The following FAM13B variants were observed in gnomAD, a reference collection of about 807,000 sequenced individuals.
The protein encoded by FAM13B is protein FAM13B.
A neutral mutation model predicts 117.3 loss-of-function variants in FAM13B; 60 were observed. The observed-to-expected ratio is 0.51, with a 90% confidence interval of 0.42 to 0.63. FAM13B has a LOEUF of 0.63. Among genes scored for constraint, FAM13B ranks in the 30% least tolerant of loss-of-function variants. The pLI, the probability that FAM13B is intolerant of heterozygous loss-of-function variation, is 0.00. For missense variants in FAM13B, 972 were observed against 1,091.9 expected, an observed-to-expected ratio of 0.89 and a Z score of 1.55; for synonymous variants, 332 against 356.1, an observed-to-expected ratio of 0.93 and a Z score of 0.76.
intron 20 of FAM13B, 70 bp downstream of exon 20, chr5:137,945,832 A>G: frequency 8.7e-7 from 1 of 1,145,084 alleles, no homozygotes; most frequent in Non-Finnish European, 1.3e-6. Flanking sequence ...ATATACCACA[A>G]TAATAATTTT....
chr5:138,007,679 A>C (rs1307495242), intron 6 of FAM13B, among the ~76,000 whole-genome samples: 1 of 150,376 alleles, frequency 6.6e-6, no homozygotes, highest in Non-Finnish European at 1.5e-5. Context: ...ATCCTATAAC[A>C]AGGAAGAACT....
chr5:138,016,836 A>G (rs1004564398), intron 4 of FAM13B, among the ~76,000 whole-genome samples: 3 of 152,336 alleles, frequency 2.0e-5, no homozygotes, highest in South Asian at 2.1e-4. Flanking sequence ...CAATTCAGCT[A>G]ACAGAGGGAA....
At chr5:138,049,277 T>C (rs1489576175) in intron 1 of FAM13B, among the ~76,000 whole-genome samples, 1 of 151,750 alleles carries the variant, frequency 6.6e-6, no homozygotes, top group East Asian at 1.9e-4. Context: ...TTTTTGTTTT[T>C]GTTTTTTCCT....
chr5:138,049,894 A>AGT (rs1186564936), intron 1 of FAM13B, among the ~76,000 whole-genome samples: 2 of 151,692 alleles, frequency 1.3e-5, no homozygotes, highest in African/African-American at 4.8e-5. Flanking sequence ...GGGAGGCTGA[A>AGT]GTGGAAGGAT....
At chr5:138,042,067 C>T (rs565648341) in intron 1 of FAM13B, among the ~76,000 whole-genome samples, 1 of 152,136 alleles carries the variant, frequency 6.6e-6, no homozygotes, top group Admixed American at 6.5e-5. Context: ...AAGTTCATAG[C>T]TGCATTTTTT....
At chr5:137,962,370 A>C (rs1040402988) in intron 11 of FAM13B, 35 bp downstream of exon 11, 1 of 1,596,626 alleles carries the variant, frequency 6.3e-7, no homozygotes, top group Non-Finnish European at 8.6e-7. Context: ...TCCAATTCTC[A>C]AAATGATTAA....
At chr5:137,961,357 C>T (rs536407281) in intron 11 of FAM13B, among the ~76,000 whole-genome samples, 1 of 147,432 alleles carries the variant, frequency 6.8e-6, no homozygotes, top group African/African-American at 2.5e-5. Context: ...CAGAAGAGTC[C>T]TCACTAAATG....
At chr5:137,940,988 C>T (rs565463541) in intron 23 of FAM13B, among the ~76,000 whole-genome samples, 1 of 152,326 alleles carries the variant, frequency 6.6e-6, no homozygotes, top group South Asian at 2.1e-4. Flanking sequence ...TCGCTGCAAG[C>T]TCCGCCTCCC....
intron 6 of FAM13B, among the ~76,000 whole-genome samples, chr5:138,010,283 T>G (rs1783646865): frequency 6.6e-6 from 1 of 152,146 alleles, no homozygotes; most frequent in Non-Finnish European, 1.5e-5. Context: ...GCCTGGCCTA[T>G]TTTAACATGT....
intron 9 of FAM13B, 108 bp from the exon 10 acceptor site, chr5:137,985,497 G>A: frequency 9.0e-7 from 1 of 1,107,488 alleles, no homozygotes; most frequent in Non-Finnish European, 1.3e-6. Context: ...ACTTGTTAAA[G>A]AAAATGTGTA....
At chr5:137,992,807 C>T (rs1051773054) in intron 7 of FAM13B, among the ~76,000 whole-genome samples, 4 of 152,046 alleles carry the variant, frequency 2.6e-5, no homozygotes, top group Non-Finnish European at 4.4e-5. Context: ...GGAATAAGTA[C>T]GTTGAATAAT....
At chr5:137,975,429 C>T (rs781375470) in intron 10 of FAM13B, among the ~76,000 whole-genome samples, 16 of 152,202 alleles carry the variant, frequency 1.1e-4, no homozygotes, top group Non-Finnish European at 1.9e-4. Context: ...AAATGTGTCA[C>T]TTAACGTACC....
At chr5:137,965,856 A>G (rs907379561) in intron 10 of FAM13B, among the ~76,000 whole-genome samples, 3 of 152,200 alleles carry the variant, frequency 2.0e-5, no homozygotes, top group Non-Finnish European at 2.9e-5. Context: ...TAAGTTTTGA[A>G]GGGGCACCAT....
intron 1 of FAM13B, among the ~76,000 whole-genome samples, chr5:138,031,917 T>A (rs1790159489): frequency 6.6e-6 from 1 of 152,176 alleles, no homozygotes; most frequent in Admixed American, 6.5e-5. Context: ...TCTAAACAGG[T>A]GCACCCCAGT....
intron 7 of FAM13B, among the ~76,000 whole-genome samples, chr5:137,991,272 T>A (rs908283018): frequency 5.9e-5 from 9 of 152,234 alleles, no homozygotes; most frequent in African/African-American, 2.2e-4. Context: ...TACAATGGAC[T>A]GTTGTGAAAT....
chr5:137,948,893 T>G, intron 18 of FAM13B, 62 bp downstream of exon 18: 1 of 1,276,482 alleles, frequency 7.8e-7, no homozygotes, highest in Admixed American at 1.8e-5. Context: ...CCTGCTATAG[T>G]AATTATTTTG....
chr5:138,046,203 C>T (rs1260349004), intron 1 of FAM13B, among the ~76,000 whole-genome samples: 1 of 152,174 alleles, frequency 6.6e-6, no homozygotes, highest in East Asian at 1.9e-4. Context: ...CTCCTCCTTC[C>T]TTCAACCATG....
intron 15 of FAM13B, 85 bp downstream of exon 15, chr5:137,954,081 A>G: frequency 1.6e-6 from 1 of 616,988 alleles, no homozygotes; most frequent in Non-Finnish European, 2.5e-6. Context: ...TTCACTATTG[A>G]AGCCCAGGCT....
intron 1 of FAM13B, among the ~76,000 whole-genome samples, chr5:138,028,483 G>C (rs1015771564): frequency 1.3e-5 from 2 of 151,622 alleles, no homozygotes; most frequent in African/African-American, 4.9e-5. Flanking sequence ...GCACAGACTT[G>C]TATAAAAACT....
Sources: gnomAD v4.1 joint callset for allele counts (sites outside exome capture counted in the v4.1 genomes callset) on GRCh38, gnomAD v4.1.1 for gene constraint, MANE v1.5 for transcripts, NCBI Gene and HGNC (gene_info 2026-07-23, HGNC 2026-07-21) for gene names.